Variants in DCDC1 observed in about 807,000 individuals in gnomAD.
The protein encoded by DCDC1 is doublecortin domain containing 1.
Under a neutral mutation model 178.3 loss-of-function variants are expected in DCDC1, and 200 were observed. The observed-to-expected ratio is 1.12, with a 90% CI of 1.00 to 1.26. The LOEUF (loss-of-function observed/expected upper bound fraction) is 1.26, where lower values mean the gene tolerates loss of function less well. DCDC1 is among the 50% of genes most tolerant of loss of function. DCDC1 has a pLI of 0.00. For synonymous variants in DCDC1, 690 were observed against 604.8 expected, an observed-to-expected ratio of 1.14 and a Z score of -2.07; for missense variants, 1,983 against 1,749.2, an observed-to-expected ratio of 1.13 and a Z score of -2.38.
At chr11:31,322,593 T>C (rs906940971) in intron 3 of DCDC1, among the ~76,000 whole-genome samples, 3 of 152,190 alleles carry the variant, frequency 2.0e-5, no homozygotes, top group African/African-American at 7.2e-5. Context: ...GAAAAAGAGA[T>C]ACAAGTGATC....
At chr11:30,969,760 T>C (rs1208828220) in intron 20 of DCDC1, among the ~76,000 whole-genome samples, 3 of 152,234 alleles carry the variant, frequency 2.0e-5, no homozygotes, top group Non-Finnish European at 4.4e-5. Context: ...CATTTCCTTT[T>C]ATTTAAAACA....
intron 9 of DCDC1, among the ~76,000 whole-genome samples, chr11:31,206,277 C>T (rs286653): frequency 0.3 from 45,403 of 152,018 alleles, 8,231 homozygotes; most frequent in East Asian, 0.63. Flanking sequence ...GGAGACAATA[C>T]GTTCCTGGTG....
intron 36 of DCDC1, among the ~76,000 whole-genome samples, chr11:30,890,067 A>G (rs943773853): frequency 1.3e-5 from 2 of 152,164 alleles, no homozygotes; most frequent in Admixed American, 6.5e-5. Flanking sequence ...TGAACACAGC[A>G]AGAAGGTGGC....
At chr11:31,270,802 C>A (rs1423405734) in intron 7 of DCDC1, among the ~76,000 whole-genome samples, 1 of 152,206 alleles carries the variant, frequency 6.6e-6, no homozygotes, top group Non-Finnish European at 1.5e-5. Flanking sequence ...ATCATCTTCT[C>A]TAACTCTAGT....
At chr11:31,254,734 G>A (rs1430227675) in intron 8 of DCDC1, among the ~76,000 whole-genome samples, 2 of 152,112 alleles carry the variant, frequency 1.3e-5, no homozygotes, top group Non-Finnish European at 2.9e-5. Context: ...GACCTTGGCT[G>A]GAACAAGTGG....
At chr11:31,088,953 G>T (rs1957637230) in intron 17 of DCDC1, among the ~76,000 whole-genome samples, 1 of 152,124 alleles carries the variant, frequency 6.6e-6, no homozygotes, top group African/African-American at 2.4e-5. Context: ...GCCCACCTCA[G>T]TATCCCAAAA....
chr11:31,224,933 A>G (rs1974735190), intron 9 of DCDC1, among the ~76,000 whole-genome samples: 1 of 152,210 alleles, frequency 6.6e-6, no homozygotes, highest in South Asian at 2.1e-4. Flanking sequence ...TACAATGACT[A>G]TGGAAAACAG....
chr11:31,066,584 A>C (rs1319137910), intron 18 of DCDC1, among the ~76,000 whole-genome samples: 1 of 152,196 alleles, frequency 6.6e-6, no homozygotes, highest in East Asian at 1.9e-4. Context: ...CTTTGTTAGA[A>C]GATGTAATGT....
At chr11:31,223,254 T>C (rs184586551) in intron 9 of DCDC1, among the ~76,000 whole-genome samples, 56 of 152,318 alleles carry the variant, frequency 3.7e-4, no homozygotes, top group African/African-American at 1.3e-3. Flanking sequence ...CACATATCCA[T>C]AGTTGATCTC....
chr11:31,231,482 A>T (rs2136781068), intron 9 of DCDC1, among the ~76,000 whole-genome samples: 1 of 152,240 alleles, frequency 6.6e-6, no homozygotes, highest in South Asian at 2.1e-4. Context: ...GTGAATGGAA[A>T]ATGGGAAAAG....
chr11:31,306,469 A>T, intron 4 of DCDC1, 81 bp from the exon 5 acceptor site: 1 of 1,401,232 alleles, frequency 7.1e-7, no homozygotes, highest in Non-Finnish European at 9.4e-7. Flanking sequence ...GGATTTTTTT[A>T]AACAGATATA....
intron 3 of DCDC1, among the ~76,000 whole-genome samples, chr11:31,314,902 G>C (rs1008495411): frequency 1.3e-5 from 2 of 152,044 alleles, no homozygotes; most frequent in Non-Finnish European, 1.5e-5. Flanking sequence ...CAACCCTCTT[G>C]ATATTTCAGG....
At chr11:31,307,526 A>G in intron 4 of DCDC1, 113 bp downstream of exon 4, 1 of 1,396,216 alleles carries the variant, frequency 7.2e-7, no homozygotes, top group South Asian at 1.4e-5. Context: ...ACAAAACCCG[A>G]GAGATGTGTT....
At chr11:31,248,884 A>C (rs1943764996) in intron 8 of DCDC1, among the ~76,000 whole-genome samples, 3 of 152,136 alleles carry the variant, frequency 2.0e-5, no homozygotes, top group Admixed American at 1.3e-4. Context: ...CTTTTACATA[A>C]CTGTTAAATG....
intron 9 of DCDC1, among the ~76,000 whole-genome samples, chr11:31,194,908 T>C (rs745437631): frequency 1.3e-5 from 2 of 152,098 alleles, no homozygotes; most frequent in Non-Finnish European, 2.9e-5. Context: ...TGTTCCCTAA[T>C]TAAACTGCAG....
chr11:31,369,522 T>C lies in DCDC1; in HGVS notation c.-125+175A>G, dbSNP rs559655324. 7.9e-5 allele frequency among the ~76,000 whole-genome samples: 12 copies of C among 152,180 alleles called. No individual in the cohort carries two copies. The East Asian group carries it at 1.7e-3, about 22-fold the overall frequency. ...AGAGTTCAAGCACCAACCGAAAAGA[T>C]TGAGAGTAGCTCAGGGTACGGTAAA... On this transcript the variant is annotated intron_variant, in intron 1 of 38. Coordinates refer to ENST00000684477, the MANE Select transcript of DCDC1 (RefSeq NM_001387274.1).
intron 9 of DCDC1, among the ~76,000 whole-genome samples, chr11:31,194,770 C>A (rs1970493754): frequency 6.6e-6 from 1 of 151,980 alleles, no homozygotes; most frequent in African/African-American, 2.4e-5. Context: ...CATTTCTTAT[C>A]ATTTTCTTAG....
intron 21 of DCDC1, among the ~76,000 whole-genome samples, chr11:30,935,386 A>G (rs1009294593): frequency 6.6e-5 from 10 of 152,108 alleles, no homozygotes; most frequent in Admixed American, 6.6e-4. Context: ...CAGGCATCAA[A>G]TCTTATAGTC....
At chr11:31,239,140 A>G (rs553187795) in intron 9 of DCDC1, among the ~76,000 whole-genome samples, 2 of 152,190 alleles carry the variant, frequency 1.3e-5, no homozygotes, top group East Asian at 3.9e-4. Flanking sequence ...TAATCTAATC[A>G]TACGATTTAT....
Sources: gnomAD v4.1 joint callset for allele counts (sites outside exome capture counted in the v4.1 genomes callset) on GRCh38, gnomAD v4.1.1 for gene constraint, MANE v1.5 for transcripts, NCBI Gene and HGNC (gene_info 2026-07-23, HGNC 2026-07-21) for gene names.